Variants in CAPN14 observed in about 807,000 individuals in gnomAD.
CAPN14 encodes calpain-14.
CAPN14 carries 94 observed loss-of-function variants against 101.3 expected under a neutral mutation model. The ratio of observed to expected loss-of-function variants is 0.93; its 90% CI spans 0.79 to 1.10. CAPN14 has a LOEUF of 1.10. Among genes scored for constraint, CAPN14 ranks in the 50% least tolerant of loss-of-function variants. The probability of loss-of-function intolerance (pLI) is 0.00; values close to 1 mark genes in which losing one functional copy is unlikely to be tolerated. For missense variants in CAPN14, 837 were observed against 828.4 expected (o/e 1.01, Z -0.13); for synonymous variants, 338 against 317.9 (o/e 1.06, Z -0.67).
chr2:31,212,618 C>T (rs2148700154), intron 1 of CAPN14, among the ~76,000 whole-genome samples: 1 of 152,248 alleles, frequency 6.6e-6, no homozygotes, highest in African/African-American at 2.4e-5. Context: ...AAAGGAATTT[C>T]CCAGGAATTT....
At chr2:31,229,555 A>G (rs1683124786) in intron 1 of CAPN14, among the ~76,000 whole-genome samples, 1 of 151,994 alleles carries the variant, frequency 6.6e-6, no homozygotes, top group Non-Finnish European at 1.5e-5. Context: ...TCATGCCTGT[A>G]GTCCCAGCTA....
Position 31,194,330 on chromosome 2 carries a change from T to G in CAPN14, c.950+79A>C, listed in dbSNP as rs1455533113. On this transcript the variant is annotated intron_variant, in intron 9 of 21. Transcript: ENST00000403897. ...CTGTACATGAAGTTCCTGGCACCCA[T>G]AAGGCATCCAATAAATGTCTGCTGG... is the stretch of plus-strand genomic sequence containing the variant. 3 of 1,047,154 alleles carry G rather than the reference T, an allele frequency of 2.9e-6. No individual in the cohort carries two copies. In the African/African-American group the frequency reaches 4.8e-5, roughly 17 times the overall value. 64.9% of individuals were successfully genotyped at this position (1,047,154 alleles called of 1,614,324 possible).
chr2:31,220,743 C>T (rs1453981162), upstream of CAPN14, among the ~76,000 whole-genome samples: 8 of 152,138 alleles, frequency 5.3e-5, no homozygotes, highest in African/African-American at 1.7e-4. Context: ...GTGGGAGAAT[C>T]GCTTGAACCA....
intron 7 of CAPN14, among the ~76,000 whole-genome samples, chr2:31,199,055 G>A (rs1471130312): frequency 6.6e-6 from 1 of 152,208 alleles, no homozygotes; most frequent in Non-Finnish European, 1.5e-5. Context: ...GGTCCTGCCT[G>A]GTGTGTCTTC....
At chr2:31,219,959 C>G (rs1337970795), upstream of CAPN14, among the ~76,000 whole-genome samples, 1 of 152,210 alleles carries the variant, frequency 6.6e-6, no homozygotes, top group Non-Finnish European at 1.5e-5. Context: ...CCTAAATAAT[C>G]TGCCTCTCCC....
At position 31,188,042 on chromosome 2, in the gene CAPN14, G is replaced by C. The variant is rs984202933; in HGVS notation, c.1531-228C>G. On this transcript the variant is annotated intron_variant, in intron 14 of 21. Coordinates refer to ENST00000403897, the MANE Select transcript of CAPN14 (RefSeq NM_001145122.2). The stretch of plus-strand genomic sequence containing the variant: ...ATGGACAAAAGAAACACCAGATAAA[G>C]AGAAGCAGAAGAATGTAGAGATGTA... 2.0e-4 allele frequency among the ~76,000 whole-genome samples: 30 copies of C among 152,334 alleles called. 1 individual carries two copies. The highest frequency in any genetic ancestry group is 8.8e-5 in the Non-Finnish European group (6 of 68,036).
In CAPN14 at chr2:31,229,653, T is replaced by A. The variant is rs1387582169; in HGVS notation, c.-176-3002A>T. Among the ~76,000 whole-genome samples the A allele has an allele frequency of 5.5e-5, 7 of 128,422 alleles. No homozygotes were observed. In the South Asian group the frequency reaches 1.2e-3, roughly 22 times the overall value. 84.2% of individuals were successfully genotyped at this position (128,422 alleles called of 152,430 possible). ...AAGATGGCGCCACTGCACTCCAGCC[T>A]GGGTGACAGAGCAAGACCCTATGTC... On this transcript the variant is annotated intron_variant and NMD_transcript_variant, in intron 1 of 21. Transcript: ENST00000398824.
intron 8 of CAPN14, among the ~76,000 whole-genome samples, chr2:31,195,716 CT>C (rs1463942046): frequency 6.6e-6 from 1 of 152,082 alleles, no homozygotes; most frequent in Non-Finnish European, 1.5e-5. Flanking sequence ...CAAATTATCC[CT>C]GAAATAAAGG....
In CAPN14 at chr2:31,178,593, T is replaced by G. The variant is rs1251228182; in HGVS notation, c.1711-14A>C. 1.3e-6 allele frequency: 2 copies of G among 1,507,744 alleles called. No individual in the cohort carries two copies. The allele number at this position is 1,507,744 out of a possible 1,614,324, so 93.4% of individuals were successfully genotyped here. A position where few individuals can be genotyped will look rare whatever the true frequency, so the allele number is the denominator to read the frequency against. Reference sequence around the variant, plus strand: ...TGATGCATTAAGCTGATTAATAGGTTAAGGTAAAAGCTTCCAGGGAGAGTT... The same window carrying G: ...TGATGCATTAAGCTGATTAATAGGTGAAGGTAAAAGCTTCCAGGGAGAGTT... On this transcript the variant is annotated splice_polypyrimidine_tract_variant and intron_variant, in intron 17 of 21. Coordinates refer to ENST00000403897, the MANE Select transcript of CAPN14 (RefSeq NM_001145122.2).
chr2:31,176,157 C>T (rs530834151), intron 21 of CAPN14, among the ~76,000 whole-genome samples: 1 of 152,136 alleles, frequency 6.6e-6, no homozygotes, highest in Non-Finnish European at 1.5e-5. Context: ...TGTGTTTCTC[C>T]CATTTCCCTG....
At chr2:31,182,179 G>A (rs1448063884) in intron 16 of CAPN14, among the ~76,000 whole-genome samples, 2 of 151,658 alleles carry the variant, frequency 1.3e-5, no homozygotes, top group East Asian at 1.9e-4. Context: ...TTGATGGGAC[G>A]TATCTCAAAA....
At chr2:31,187,613 A>G (rs1262572906) in intron 15 of CAPN14, 145 bp downstream of exon 15, 3 of 652,676 alleles carry the variant, frequency 4.6e-6, no homozygotes, top group Non-Finnish European at 8.0e-6. Flanking sequence ...GGACTTTAAT[A>G]GAAAGTGGCA....
chr2:31,183,989 C>A (rs1680784803), intron 16 of CAPN14, among the ~76,000 whole-genome samples: 3 of 152,162 alleles, frequency 2.0e-5, no homozygotes, highest in Non-Finnish European at 4.4e-5. Flanking sequence ...TCAAGCAATT[C>A]TCCTGCCTCA....
chr2:31,214,942 G>A (rs1558635675), intron 1 of CAPN14, among the ~76,000 whole-genome samples: 1 of 150,884 alleles, frequency 6.6e-6, no homozygotes, highest in Non-Finnish European at 1.5e-5. Flanking sequence ...GGGAGTCATG[G>A]CCTGCTTGGC....
intron 1 of CAPN14, among the ~76,000 whole-genome samples, chr2:31,233,524 G>GGA (rs1270943083): frequency 2.0e-5 from 3 of 152,128 alleles, no homozygotes; most frequent in African/African-American, 7.2e-5. Context: ...TTCCTGGAAG[G>GGA]GAGAGTCTGT....
intron 1 of CAPN14, among the ~76,000 whole-genome samples, chr2:31,209,800 G>A (rs953909698): frequency 5.9e-5 from 9 of 152,128 alleles, no homozygotes; most frequent in Admixed American, 6.5e-5. Flanking sequence ...TGCCATGTTA[G>A]TACCTTGTAA....
At chr2:31,190,704 T>C (rs1229383594) in intron 12 of CAPN14, among the ~76,000 whole-genome samples, 1 of 152,238 alleles carries the variant, frequency 6.6e-6, no homozygotes, top group Admixed American at 6.5e-5. Flanking sequence ...GTGTTCAGTA[T>C]TCCTGTGAGA....
intron 12 of CAPN14, 186 bp from the exon 13 acceptor site, chr2:31,189,664 C>T (rs1473485638): frequency 4.4e-6 from 3 of 689,224 alleles, no homozygotes; most frequent in Non-Finnish European, 8.0e-6. Context: ...TGGAGGGCTG[C>T]ACCTTTGCTG....
chr2:31,195,623 C>T (rs751682109), intron 8 of CAPN14, among the ~76,000 whole-genome samples: 5 of 152,272 alleles, frequency 3.3e-5, no homozygotes, highest in Admixed American at 6.5e-5. Context: ...AGGTGTGAGT[C>T]ACTATGCCCA....
Sources: allele counts gnomAD v4.1 joint callset (sites outside exome capture counted in the v4.1 genomes callset), GRCh38; gene constraint gnomAD v4.1.1; transcripts MANE v1.5; gene names NCBI Gene and HGNC (gene_info 2026-07-23, HGNC 2026-07-21).